Variants in ST7 observed in about 807,000 individuals in gnomAD.
The protein encoded by ST7 is suppressor of tumorigenicity 7 protein.
In ST7, 28 loss-of-function variants were observed where a neutral mutation model predicts 78.7. The observed-to-expected ratio is 0.36, with a 90% confidence interval of 0.26 to 0.49. The LOEUF is 0.49. ST7 is among the 20% of genes least tolerant of loss of function. The probability of loss-of-function intolerance (pLI) is 0.99; values close to 1 mark genes in which losing one functional copy is unlikely to be tolerated. For missense variants in ST7, 418 were observed against 696.0 expected, an observed-to-expected ratio of 0.60 and a Z score of 4.49; for synonymous variants, 247 against 249.6, an observed-to-expected ratio of 0.99 and a Z score of 0.10.
intron 1 of ST7, among the ~76,000 whole-genome samples, chr7:116,984,871 C>G (rs1302097061): frequency 6.6e-6 from 1 of 152,094 alleles, no homozygotes; most frequent in Non-Finnish European, 1.5e-5. Flanking sequence ...CTGGCATTAC[C>G]CTTGATTTAG....
intron 15 of ST7, 78 bp downstream of exon 15, chr7:117,222,140 G>T: frequency 6.7e-7 from 1 of 1,490,942 alleles, no homozygotes. Context: ...GAGAGAAATG[G>T]GGTTGCCTTA....
chr7:117,085,711 T>C (rs956213626), intron 1 of ST7, among the ~76,000 whole-genome samples: 2 of 152,148 alleles, frequency 1.3e-5, no homozygotes, highest in African/African-American at 4.8e-5. Context: ...AATATAGAGG[T>C]TTTTCTTCCA....
At chr7:117,086,175 A>G (rs1239260801) in intron 1 of ST7, among the ~76,000 whole-genome samples, 1 of 152,204 alleles carries the variant, frequency 6.6e-6, no homozygotes, top group African/African-American at 2.4e-5. Context: ...TTTGAAAAGC[A>G]AAAGCAATCT....
chr7:117,103,424 T>C (rs1801713309), intron 2 of ST7, among the ~76,000 whole-genome samples: 1 of 151,858 alleles, frequency 6.6e-6, no homozygotes, highest in Non-Finnish European at 1.5e-5. Context: ...TGGAACAGAG[T>C]AGAGAGCCCA....
chr7:116,959,928 A>G (rs1428177321), intron 1 of ST7: 2 of 153,420 alleles, frequency 1.3e-5, no homozygotes, highest in Non-Finnish European at 2.9e-5. Flanking sequence ...TTGAGTGCAA[A>G]GTGTAGCACC....
At chr7:117,037,608 C>T (rs546650366) in intron 1 of ST7, among the ~76,000 whole-genome samples, 158 of 152,312 alleles carry the variant, frequency 1.0e-3, no homozygotes, top group African/African-American at 3.7e-3. Flanking sequence ...CATTGTGTTG[C>T]ACATAAAGAC....
chr7:117,205,887 A>G (rs1406189693), intron 12 of ST7, among the ~76,000 whole-genome samples: 2 of 152,250 alleles, frequency 1.3e-5, no homozygotes, highest in South Asian at 4.1e-4. Context: ...CCATTATTAT[A>G]GATGGACAAA....
intron 1 of ST7, among the ~76,000 whole-genome samples, chr7:117,090,254 GACACAC>G (rs10537016): frequency 2.7e-5 from 4 of 148,848 alleles, no homozygotes; most frequent in Admixed American, 1.3e-4. Flanking sequence ...CACACACACA[GACACAC>G]ACACACACAC....
At chr7:117,197,164 A>G (rs982582296) in intron 12 of ST7, among the ~76,000 whole-genome samples, 4 of 152,124 alleles carry the variant, frequency 2.6e-5, no homozygotes, top group African/African-American at 9.7e-5. Context: ...CCTCTAGAGT[A>G]GCTGGGACTA....
intron 2 of ST7, among the ~76,000 whole-genome samples, chr7:117,110,091 A>T (rs753979184): frequency 6.6e-6 from 1 of 152,214 alleles, no homozygotes; most frequent in Non-Finnish European, 1.5e-5. Context: ...TGCCCCAAAC[A>T]TGGCAATCTT....
chr7:117,161,990 T>C (rs985870697), intron 9 of ST7, among the ~76,000 whole-genome samples: 8 of 152,204 alleles, frequency 5.3e-5, no homozygotes, highest in Admixed American at 3.9e-4. Flanking sequence ...TTATATCATA[T>C]CAGATTTTAG....
At chr7:116,981,007 T>G (rs1793935058) in intron 1 of ST7, among the ~76,000 whole-genome samples, 2 of 152,220 alleles carry the variant, frequency 1.3e-5, no homozygotes, top group Non-Finnish European at 2.9e-5. Flanking sequence ...CTGCAAAAGT[T>G]CCTCAATTTT....
At chr7:116,989,716 G>A (rs913107145) in intron 1 of ST7, among the ~76,000 whole-genome samples, 1 of 152,024 alleles carries the variant, frequency 6.6e-6, no homozygotes, top group East Asian at 1.9e-4. Flanking sequence ...ACATGTACCT[G>A]TAGTCCTAGC....
intron 3 of ST7, among the ~76,000 whole-genome samples, chr7:117,125,042 T>G (rs143377735): frequency 1.5e-4 from 23 of 152,244 alleles, no homozygotes; most frequent in African/African-American, 5.3e-4. Context: ...TCTCTAATAG[T>G]CTTAATGAGG....
chr7:117,038,196 G>A (rs1006916501), intron 1 of ST7, among the ~76,000 whole-genome samples: 3 of 152,172 alleles, frequency 2.0e-5, no homozygotes, highest in Non-Finnish European at 4.4e-5. Flanking sequence ...CCTACTGCTG[G>A]GAAAGGCTTG....
At chr7:117,049,792 C>T (rs1797675148) in intron 1 of ST7, among the ~76,000 whole-genome samples, 1 of 152,232 alleles carries the variant, frequency 6.6e-6, no homozygotes, top group South Asian at 2.1e-4. Context: ...CACTTTTTTC[C>T]TATAATGTCA....
intron 14 of ST7, among the ~76,000 whole-genome samples, chr7:117,220,020 T>C (rs527786302): frequency 6.6e-6 from 1 of 152,168 alleles, no homozygotes; most frequent in Non-Finnish European, 1.5e-5. Flanking sequence ...TCTTCTCCCT[T>C]CTCTGTCCTC....
At chr7:117,098,747 A>G (rs1283852844) in intron 1 of ST7, 2 of 1,293,858 alleles carry the variant, frequency 1.5e-6, no homozygotes, top group Non-Finnish European at 2.0e-6. Flanking sequence ...TTCTAAAACC[A>G]GACTGGATGT....
chr7:117,097,112 AG>A (rs913725877), intron 1 of ST7, among the ~76,000 whole-genome samples: 2 of 151,894 alleles, frequency 1.3e-5, no homozygotes, highest in Admixed American at 6.6e-5. Flanking sequence ...GTGATTTTTC[AG>A]CAGAAAATCT....
Sources: allele counts gnomAD v4.1 joint callset (sites outside exome capture counted in the v4.1 genomes callset), GRCh38; gene constraint gnomAD v4.1.1; transcripts MANE v1.5; gene names NCBI Gene and HGNC (gene_info 2026-07-23, HGNC 2026-07-21).